The following CCNB3 variants were observed in gnomAD, a reference collection of about 807,000 sequenced individuals.
CCNB3 encodes the protein cyclin B3, also known as G2/mitotic-specific cyclin-B3.
A neutral mutation model predicts 68.0 loss-of-function variants in CCNB3; 12 were observed. That is an observed-to-expected ratio of 0.18 (90% CI 0.11 to 0.29). The LOEUF (loss-of-function observed/expected upper bound fraction) is 0.29. Ranked by LOEUF, CCNB3 falls within the 10% of genes least tolerant of loss-of-function variation. The pLI is 1.00. For synonymous variants in CCNB3, 354 were observed against 388.9 expected, an observed-to-expected ratio of 0.91 and a Z score of 1.06; for missense variants, 904 against 993.1, an observed-to-expected ratio of 0.91 and a Z score of 1.21.
chrX:50,294,735 G>T, intron 4 of CCNB3, 128 bp from the exon 5 acceptor site: 1 of 752,860 alleles, frequency 1.3e-6, no homozygotes, highest in East Asian at 3.3e-5. Flanking sequence ...TATCACTCCT[G>T]GGAACACCCA....
chrX:50,319,222 A>G (rs1257124724), intron 8 of CCNB3, among the ~76,000 whole-genome samples: 1 of 111,290 alleles, frequency 9.0e-6, no homozygotes, highest in East Asian at 2.8e-4. Context: ...ATACACATCT[A>G]TAGGTGAGTT....
chrX:50,346,540 C>T, intron 9 of CCNB3, 112 bp from the exon 10 acceptor site: 1 of 783,545 alleles, frequency 1.3e-6, no homozygotes, highest in African/African-American at 2.1e-5. Flanking sequence ...CAGAGATACC[C>T]TGAAGATTTA....
chrX:50,286,246 T>C lies in CCNB3; in HGVS notation c.96+987T>C, dbSNP rs148428497. On this transcript the variant is annotated intron_variant, in intron 3 of 12. Coordinates refer to ENST00000376042, the MANE Select transcript of CCNB3 (RefSeq NM_033031.3). ...TATCATCAGCTAGATGAAAGACTAA[T>C]AGCTTACTTATGTCTTGGCTTAATC... Among the ~76,000 whole-genome samples, 11 of 112,642 alleles carry C rather than the reference T, an allele frequency of 9.8e-5. No homozygotes were observed. In the East Asian group the frequency reaches 3.1e-3, roughly 31 times the overall value.
intron 1 of CCNB3, among the ~76,000 whole-genome samples, chrX:50,228,360 A>C (rs1456257203): frequency 1.1e-5 from 1 of 93,650 alleles, no homozygotes; most frequent in Non-Finnish European, 2.1e-5. Flanking sequence ...TATAGAAGAT[A>C]TATATACATA....
intron 10 of CCNB3, among the ~76,000 whole-genome samples, chrX:50,347,099 G>T (rs781790822): frequency 9.0e-6 from 1 of 111,485 alleles, no homozygotes; most frequent in Non-Finnish European, 1.9e-5. Context: ...AAAACTTTGT[G>T]GGGGGATGCT....
At chrX:50,341,146 G>A (rs1456114451) in intron 8 of CCNB3, among the ~76,000 whole-genome samples, 2 of 109,574 alleles carry the variant, frequency 1.8e-5, no homozygotes, top group East Asian at 5.7e-4. Context: ...TGGTTAACAC[G>A]ATGAAACCCC....
intron 1 of CCNB3, among the ~76,000 whole-genome samples, chrX:50,228,593 A>G (rs1935974288): frequency 1.2e-5 from 1 of 86,610 alleles, no homozygotes; most frequent in Non-Finnish European, 2.2e-5. Flanking sequence ...TATAGAATAT[A>G]GATAATATAT....
chrX:50,228,052 A>T (rs1422383346), intron 1 of CCNB3, among the ~76,000 whole-genome samples: 2 of 78,859 alleles, frequency 2.5e-5, no homozygotes, highest in Admixed American at 1.8e-4. Flanking sequence ...TATATATATA[A>T]ATATATGGAG....
intron 8 of CCNB3, among the ~76,000 whole-genome samples, chrX:50,332,920 A>C (rs1304241237): frequency 9.0e-6 from 1 of 111,637 alleles, no homozygotes; most frequent in Non-Finnish European, 1.9e-5. Context: ...GAGTGCCTGG[A>C]AGCCCCCCCG....
At chrX:50,300,784 A>T (rs967494415) in intron 5 of CCNB3, among the ~76,000 whole-genome samples, 5 of 111,616 alleles carry the variant, frequency 4.5e-5, no homozygotes, top group Admixed American at 1.9e-4. Flanking sequence ...TTAGGCGTAG[A>T]TTTGGTCTTT....
At chrX:50,297,739 A>G (rs1234611040) in intron 5 of CCNB3, among the ~76,000 whole-genome samples, 9 of 111,287 alleles carry the variant, frequency 8.1e-5, no homozygotes, top group African/African-American at 1.6e-4. Context: ...CCATTTTCAC[A>G]ATATTGATTC....
intron 7 of CCNB3, among the ~76,000 whole-genome samples, chrX:50,313,562 T>C (rs782691006): frequency 8.9e-6 from 1 of 112,173 alleles, no homozygotes; most frequent in Non-Finnish European, 1.9e-5. Flanking sequence ...GTGCTTTAGA[T>C]TGAATTGCAA....
At chrX:50,228,442 G>GCTATATAGAATATATATAGAGGATATAT (rs1935968710) in intron 1 of CCNB3, among the ~76,000 whole-genome samples, 3 of 91,382 alleles carry the variant, frequency 3.3e-5, no homozygotes, top group African/African-American at 1.2e-4. Flanking sequence ...AGAGGATATA[G>GCTATATAGAATATATATAGAGGATATAT]CTATATAGAA....
At chrX:50,217,333 G>A (rs1406192793) in intron 1 of CCNB3, among the ~76,000 whole-genome samples, 1 of 95,358 alleles carries the variant, frequency 1.0e-5, no homozygotes, top group African/African-American at 4.0e-5. Flanking sequence ...GAGGGCAGTG[G>A]CACAATCTCG....
intron 12 of CCNB3, 92 bp downstream of exon 12, chrX:50,351,463 A>G: frequency 5.4e-6 from 6 of 1,118,000 alleles, no homozygotes; most frequent in Non-Finnish European, 7.3e-6. Context: ...CTTAAGAGAA[A>G]AAGATTCAGG....
rs1936554520 is a variant in CCNB3 at position 50,299,000 on chromosome X, G to A, written c.335+4007G>A. Among the ~76,000 whole-genome samples, 4 of 111,130 alleles carry A rather than the reference G, an allele frequency of 3.6e-5. No individual in the cohort carries two copies. The South Asian group carries it at 1.5e-3, about 42-fold the overall frequency. On this transcript the variant is annotated intron_variant, in intron 5 of 12. Coordinates refer to ENST00000376042, the MANE Select transcript of CCNB3 (RefSeq NM_033031.3). The stretch of plus-strand genomic sequence containing the variant: ...GATATCCCCTTTGTCATTTTTTATT[G>A]CGTCTATTTGATTCTTCTCTGTTTT...
rs782526862 is a variant in CCNB3, at chrX:50,301,338, G to A, written c.335+6345G>A. 8.9e-5 allele frequency among the ~76,000 whole-genome samples: 10 copies of A among 112,141 alleles called. No individual in the cohort carries two copies. The East Asian group carries it at 2.8e-3, about 31-fold the overall frequency. On this transcript the variant is annotated intron_variant, in intron 5 of 12. Coordinates refer to ENST00000376042, the MANE Select transcript of CCNB3 (RefSeq NM_033031.3). ...GTGTGGATGTCCTTTCTGTTTGTTA[G>A]TTTTCCTTCTAACAGTCAGGACCCT...
intron 8 of CCNB3, among the ~76,000 whole-genome samples, chrX:50,327,973 A>G (rs966149212): frequency 1.3e-4 from 15 of 112,244 alleles, no homozygotes; most frequent in Admixed American, 3.8e-4. Context: ...ATACAATGTG[A>G]GAACAACTTG....
At chrX:50,298,600 T>G (rs1286200821) in intron 5 of CCNB3, among the ~76,000 whole-genome samples, 1 of 111,596 alleles carries the variant, frequency 9.0e-6, no homozygotes, top group African/African-American at 3.3e-5. Flanking sequence ...TCTCTTTTTT[T>G]GTTGTGTCTC....
Sources: gnomAD v4.1 joint callset for allele counts (sites outside exome capture counted in the v4.1 genomes callset) on GRCh38, gnomAD v4.1.1 for gene constraint, MANE v1.5 for transcripts, NCBI Gene and HGNC (gene_info 2026-07-23, HGNC 2026-07-21) for gene names.